ERICH1: variants seen among roughly 807,000 people sequenced by gnomAD.
ERICH1 encodes glutamate rich 1, also known as glutamate-rich protein 1.
A neutral mutation model predicts 39.6 loss-of-function variants in ERICH1; 56 were observed. That is an observed-to-expected ratio of 1.41 (90% CI 1.14 to 1.77). The LOEUF is 1.77. Among genes scored for constraint, ERICH1 ranks in the 40% most tolerant of loss-of-function variants. The pLI is 0.00. For synonymous variants in ERICH1, 313 were observed against 223.6 expected (o/e 1.40, Z -3.57); for missense variants, 826 against 575.4 (o/e 1.44, Z -4.45).
chr8:641,610 T>C (rs1244089169), intron 3 of ERICH1, among the ~76,000 whole-genome samples: 1 of 152,240 alleles, frequency 6.6e-6, no homozygotes, highest in Non-Finnish European at 1.5e-5. Flanking sequence ...TATTTCTTGA[T>C]TAATTGTACT....
intron 3 of ERICH1, among the ~76,000 whole-genome samples, chr8:621,754 G>A (rs142755679): frequency 2.2e-4 from 33 of 152,128 alleles, no homozygotes; most frequent in Admixed American, 3.9e-4. Flanking sequence ...TGGAAGGGAG[G>A]ACATCTTATA....
At chr8:720,407 A>G (rs1338575610) in intron 1 of ERICH1, among the ~76,000 whole-genome samples, 1 of 152,238 alleles carries the variant, frequency 6.6e-6, no homozygotes, top group East Asian at 1.9e-4. Context: ...AACAAAGCTG[A>G]TAACTGGGAT....
At chr8:636,572 T>G (rs1432338589) in intron 3 of ERICH1, among the ~76,000 whole-genome samples, 1 of 152,202 alleles carries the variant, frequency 6.6e-6, no homozygotes, top group Non-Finnish European at 1.5e-5. Context: ...GCACAAGCCC[T>G]CCACTTACCC....
chr8:628,531 C>A (rs1797728878), intron 3 of ERICH1, among the ~76,000 whole-genome samples: 1 of 152,230 alleles, frequency 6.6e-6, no homozygotes, highest in African/African-American at 2.4e-5. Flanking sequence ...ATCAGGGTGA[C>A]CCCAAGGGGC....
At chr8:661,004 T>C (rs769171269), downstream of ERICH1, among the ~76,000 whole-genome samples, 1 of 152,156 alleles carries the variant, frequency 6.6e-6, no homozygotes, top group Non-Finnish European at 1.5e-5. Context: ...CTCTCAGCCT[T>C]CAGGATTCAC....
At chr8:680,687 C>T (rs886242647) in intron 3 of ERICH1, among the ~76,000 whole-genome samples, 11 of 152,176 alleles carry the variant, frequency 7.2e-5, no homozygotes, top group Admixed American at 5.2e-4. Flanking sequence ...AGAGAATCCA[C>T]AGCTGCCACC....
chr8:653,219 T>C (rs1800195446), intron 3 of ERICH1, among the ~76,000 whole-genome samples: 1 of 152,250 alleles, frequency 6.6e-6, no homozygotes, highest in Non-Finnish European at 1.5e-5. Context: ...TACAGATCAA[T>C]GGACAAACAC....
At chr8:661,443 G>T (rs1484739303), downstream of ERICH1, among the ~76,000 whole-genome samples, 1 of 152,096 alleles carries the variant, frequency 6.6e-6, no homozygotes, top group Non-Finnish European at 1.5e-5. Context: ...GACAGGCTCA[G>T]ATATTCTGTG....
At chr8:650,810 G>A (rs1179573171) in intron 3 of ERICH1, among the ~76,000 whole-genome samples, 1 of 152,178 alleles carries the variant, frequency 6.6e-6, no homozygotes, top group East Asian at 1.9e-4. Flanking sequence ...CCAGAGCAAG[G>A]GGCTGCAGCC....
chr8:640,106 T>C (rs931702551), intron 3 of ERICH1, among the ~76,000 whole-genome samples: 2 of 152,130 alleles, frequency 1.3e-5, no homozygotes, highest in African/African-American at 4.8e-5. Context: ...CTCAGGGGGC[T>C]GAAATACTTG....
At chr8:693,085 G>C (rs1177907189) in intron 2 of ERICH1, among the ~76,000 whole-genome samples, 1 of 102,420 alleles carries the variant, frequency 9.8e-6, no homozygotes, top group African/African-American at 5.2e-5. Flanking sequence ...ACACACAACA[G>C]ACACACATGC....
intron 3 of ERICH1, among the ~76,000 whole-genome samples, chr8:624,290 C>T (rs538951312): frequency 7.9e-5 from 12 of 152,028 alleles, no homozygotes; most frequent in African/African-American, 2.2e-4. Flanking sequence ...AGATGAGGAA[C>T]CAAGGAAATG....
At chr8:686,731 G>C (rs1807479226) in intron 3 of ERICH1, 2 of 152,210 alleles carry the variant, frequency 1.3e-5, no homozygotes, top group African/African-American at 2.4e-5. Context: ...GGTAGGTAAA[G>C]GCAGCTGAGC....
intron 3 of ERICH1, among the ~76,000 whole-genome samples, chr8:682,665 T>C (rs980623197): frequency 1.3e-5 from 2 of 152,220 alleles, no homozygotes; most frequent in African/African-American, 4.8e-5. Context: ...TCAGACACAC[T>C]AACTTTAAAA....
At chr8:651,843 G>A (rs1799994345) in intron 3 of ERICH1, among the ~76,000 whole-genome samples, 2 of 152,080 alleles carry the variant, frequency 1.3e-5, no homozygotes, top group African/African-American at 4.8e-5. Flanking sequence ...GTGAGGAAAG[G>A]GACTGACTTC....
intron 3 of ERICH1, among the ~76,000 whole-genome samples, chr8:683,026 T>G (rs1181376274): frequency 1.3e-5 from 2 of 152,216 alleles, no homozygotes; most frequent in Non-Finnish European, 2.9e-5. Context: ...GCTGAGTGTG[T>G]TGTTTGCCTA....
intron 3 of ERICH1, among the ~76,000 whole-genome samples, chr8:622,950 C>T (rs1026098376): frequency 5.5e-4 from 45 of 81,108 alleles, no homozygotes; most frequent in East Asian, 4.1e-3. Flanking sequence ...AGAGGAGATC[C>T]GCTCTCAATA....
At chr8:615,329 A>C (rs1022544745) in intron 3 of ERICH1, 4 of 637,380 alleles carry the variant, frequency 6.3e-6, no homozygotes, top group Non-Finnish European at 1.1e-5. Flanking sequence ...CATCATTTTA[A>C]TACAATGTTT....
At chr8:658,052 G>C (rs929387380) in intron 3 of ERICH1, among the ~76,000 whole-genome samples, 10 of 152,332 alleles carry the variant, frequency 6.6e-5, no homozygotes, top group Admixed American at 3.9e-4. Flanking sequence ...AGAGAGGCTG[G>C]CACGGCCCCT....
Sources: gnomAD v4.1 joint callset for allele counts (sites outside exome capture counted in the v4.1 genomes callset) on GRCh38, gnomAD v4.1.1 for gene constraint, MANE v1.5 for transcripts, NCBI Gene and HGNC (gene_info 2026-07-23, HGNC 2026-07-21) for gene names.